KDM4C: variants seen among roughly 807,000 people sequenced by gnomAD.
KDM4C encodes lysine demethylase 4C.
A neutral mutation model predicts 129.3 loss-of-function variants in KDM4C; 81 were observed. The observed-to-expected ratio is 0.63, with a 90% CI of 0.52 to 0.75. The LOEUF (loss-of-function observed/expected upper bound fraction) is 0.75, where lower values mean the gene tolerates loss of function less well. Among genes scored for constraint, KDM4C ranks in the 30% least tolerant of loss-of-function variants. KDM4C has a pLI of 0.00. For missense variants in KDM4C, 1,457 were observed against 1,304.0 expected (o/e 1.12, Z -1.81); for synonymous variants, 573 against 456.1 (o/e 1.26, Z -3.26).
At chr9:6,853,537 A>T (rs1278188814) in intron 5 of KDM4C, among the ~76,000 whole-genome samples, 1 of 152,204 alleles carries the variant, frequency 6.6e-6, no homozygotes, top group Non-Finnish European at 1.5e-5. Context: ...AAAGGTAACT[A>T]TTAAGAATAC....
At chr9:6,927,785 G>C (rs969293257) in intron 8 of KDM4C, among the ~76,000 whole-genome samples, 1 of 152,150 alleles carries the variant, frequency 6.6e-6, no homozygotes, top group Non-Finnish European at 1.5e-5. Context: ...TAGACTTTTA[G>C]CATTGTGTCT....
Position 7,133,885 on chromosome 9 carries a change from A to C in KDM4C, c.2781+5649A>C, listed in dbSNP as rs57256450. Among the ~76,000 whole-genome samples the C allele has an allele frequency of 8.4e-3, 1,280 of 152,256 alleles. 17 individuals are homozygous for C. Among genetic ancestry groups the C allele is most frequent in the African/African-American group, 0.029 (1,198 of 41,538 alleles). The stretch of plus-strand genomic sequence containing the variant: ...TCTCTACTGTGGGATCCCGGGAAAC[A>C]TTGTTGGATCCCTCTTGCCTCCTAG... On this transcript the variant is annotated intron_variant, in intron 19 of 21. Transcript: ENST00000381309.
intron 18 of KDM4C, among the ~76,000 whole-genome samples, chr9:7,122,337 G>T (rs1309134578): frequency 6.6e-6 from 1 of 151,384 alleles, no homozygotes; most frequent in African/African-American, 2.4e-5. Flanking sequence ...CTAGGGAGAT[G>T]GTGCTAAACC....
chr9:6,948,186 A>C (rs941100019), intron 8 of KDM4C: 2 of 152,226 alleles, frequency 1.3e-5, no homozygotes, highest in African/African-American at 2.4e-5. Flanking sequence ...CTGAAGCATT[A>C]CTAACTGCAT....
Position 6,794,558 on chromosome 9 carries a change from A to G in KDM4C, c.144+1426A>G, listed in dbSNP as rs137995069. 3.6e-3 allele frequency among the ~76,000 whole-genome samples: 549 copies of G among 152,286 alleles called. 4 individuals are homozygous for G. The highest frequency in any genetic ancestry group is 0.013 in the African/African-American group (523 of 41,562). ...TTGAAAAGATCACACTGGCTCCTACATGAAGAATGAATTGGTGTTGTGGGG... is the reference window on the plus strand; with the variant it reads ...TTGAAAAGATCACACTGGCTCCTACGTGAAGAATGAATTGGTGTTGTGGGG... On this transcript the variant is annotated intron_variant, in intron 2 of 21. Coordinates refer to ENST00000381309, the MANE Select transcript of KDM4C (RefSeq NM_015061.6).
chr9:6,771,078 A>ATTTTTT (rs1821730028), intron 1 of KDM4C, among the ~76,000 whole-genome samples: 5 of 84,640 alleles, frequency 5.9e-5, no homozygotes, highest in Admixed American at 1.2e-4. Context: ...CCGACTGTGA[A>ATTTTTT]TCTTTTTTTT....
chr9:6,971,088 A>G (rs952203532), intron 8 of KDM4C, among the ~76,000 whole-genome samples: 1 of 152,134 alleles, frequency 6.6e-6, no homozygotes, highest in Non-Finnish European at 1.5e-5. Context: ...GTGCCAGTGG[A>G]TGGATTGTAA....
intron 19 of KDM4C, among the ~76,000 whole-genome samples, chr9:7,139,487 A>G (rs774207772): frequency 4.6e-4 from 70 of 152,338 alleles, no homozygotes; most frequent in Non-Finnish European, 2.2e-4. Flanking sequence ...AATACAGACT[A>G]TAAGAGAACT....
At chr9:7,059,649 T>TA (rs1412379328) in intron 17 of KDM4C, among the ~76,000 whole-genome samples, 21 of 152,204 alleles carry the variant, frequency 1.4e-4, no homozygotes, top group Admixed American at 3.3e-4. Context: ...TCAAACCACA[T>TA]AGTCTTCATA....
intron 17 of KDM4C, among the ~76,000 whole-genome samples, chr9:7,090,940 A>G (rs1835720889): frequency 6.6e-6 from 1 of 152,216 alleles, no homozygotes. Context: ...TGTACATCCT[A>G]TTCATGTCCA....
chr9:7,072,252 T>C, intron 17 of KDM4C, among the ~76,000 whole-genome samples: 1 of 152,196 alleles, frequency 6.6e-6, no homozygotes, highest in East Asian at 1.9e-4. Flanking sequence ...GGCAGTTTCT[T>C]ATAAAATTAA....
chr9:6,943,708 C>G (rs1826377568), intron 8 of KDM4C, among the ~76,000 whole-genome samples: 1 of 151,952 alleles, frequency 6.6e-6, no homozygotes, highest in African/African-American at 2.4e-5. Flanking sequence ...AAATAATTAT[C>G]TGCCCCAGTG....
chr9:7,008,230 G>A (rs1822032890), intron 12 of KDM4C, among the ~76,000 whole-genome samples: 2 of 152,100 alleles, frequency 1.3e-5, no homozygotes, highest in East Asian at 1.9e-4. Flanking sequence ...GTGAAACCCA[G>A]CACCACACAG....
rs545012415 is a variant in KDM4C at position 6,831,028 on chromosome 9, T to G, written c.435+16283T>G. Among the ~76,000 whole-genome samples, 4 of 152,356 alleles carry G rather than the reference T, an allele frequency of 2.6e-5. No homozygotes were observed. The East Asian group carries it at 7.7e-4, about 29-fold the overall frequency. On this transcript the variant is annotated intron_variant, in intron 4 of 21. Transcript: ENST00000381309. The stretch of plus-strand genomic sequence containing the variant: ...AAAGGCTCAAGTACAGCCCATACTT[T>G]GCTACCATTCAAGAATTAAGTGGTA...
chr9:6,890,965 A>T (rs1269457499), intron 7 of KDM4C, among the ~76,000 whole-genome samples: 1 of 152,208 alleles, frequency 6.6e-6, no homozygotes, highest in African/African-American at 2.4e-5. Flanking sequence ...GCAGCAGAAC[A>T]TCTTCTGGGG....
At chr9:7,004,577 G>C (rs370227241) in intron 12 of KDM4C, among the ~76,000 whole-genome samples, 1 of 151,880 alleles carries the variant, frequency 6.6e-6, no homozygotes, top group Admixed American at 6.6e-5. Flanking sequence ...GCATTATATA[G>C]CTATGCCATA....
chr9:7,086,360 T>C (rs1835114708), intron 17 of KDM4C, among the ~76,000 whole-genome samples: 1 of 152,300 alleles, frequency 6.6e-6, no homozygotes, highest in South Asian at 2.1e-4. Flanking sequence ...AGCATCGGAA[T>C]AGTTATTACT....
intron 8 of KDM4C, among the ~76,000 whole-genome samples, chr9:6,961,967 A>G (rs572317531): frequency 2.8e-4 from 42 of 152,320 alleles, no homozygotes; most frequent in African/African-American, 1.4e-4. Flanking sequence ...TGGCCTTCAC[A>G]AGTTCATTTA....
At chr9:6,858,591 T>C (rs779015231) in intron 5 of KDM4C, among the ~76,000 whole-genome samples, 2 of 152,232 alleles carry the variant, frequency 1.3e-5, no homozygotes, top group Non-Finnish European at 2.9e-5. Context: ...TTGGCCAACA[T>C]AGCAAAACCC....
Sources: allele counts gnomAD v4.1 joint callset (sites outside exome capture counted in the v4.1 genomes callset), GRCh38; gene constraint gnomAD v4.1.1; transcripts MANE v1.5; gene names NCBI Gene and HGNC (gene_info 2026-07-23, HGNC 2026-07-21).